IQCM: variants seen among roughly 807,000 people sequenced by gnomAD.
The protein encoded by IQCM is IQ motif containing M, also known as IQ domain-containing protein M.
A neutral mutation model predicts 57.6 loss-of-function variants in IQCM; 45 were observed. That is an observed-to-expected ratio of 0.78 (90% CI 0.62 to 1.00). The LOEUF is 1.00. Ranked by LOEUF, IQCM falls within the 50% of genes least tolerant of loss-of-function variation. The pLI is 0.00. For synonymous variants in IQCM, 148 were observed against 158.9 expected, an observed-to-expected ratio of 0.93 and a Z score of 0.51; for missense variants, 468 against 511.6, an observed-to-expected ratio of 0.91 and a Z score of 0.82.
intron 7 of IQCM, among the ~76,000 whole-genome samples, chr4:149,630,085 G>T (rs1757134471): frequency 6.6e-6 from 1 of 152,196 alleles, no homozygotes; most frequent in East Asian, 1.9e-4. Context: ...TGTCATAATA[G>T]CTTTAGAAAG....
At position 149,645,836 on chromosome 4, in the gene IQCM, C is replaced by T. The variant is rs531873540; in HGVS notation, c.566-24592G>A. The stretch of plus-strand genomic sequence containing the variant: ...AACTCCCTCTCCTCACCTATCCCCT[C>T]CCAGAGGTTTGTCTTCCATTACCCT... On this transcript the variant is annotated intron_variant, in intron 7 of 13. Coordinates refer to ENST00000636793, the MANE Select transcript of IQCM (RefSeq NM_001363507.2). Among the ~76,000 whole-genome samples, 83 of 152,232 alleles carry T rather than the reference C, an allele frequency of 5.5e-4. 1 individual carries two copies. The South Asian group carries it at 0.015, about 28-fold the overall frequency.
chr4:149,422,473 A>C (rs1194864073), intron 13 of IQCM, among the ~76,000 whole-genome samples: 2 of 152,064 alleles, frequency 1.3e-5, no homozygotes, highest in Non-Finnish European at 2.9e-5. Flanking sequence ...GGGCAAAACC[A>C]ACAACCTATT....
At chr4:149,792,626 T>G (rs1042206435) in intron 2 of IQCM, among the ~76,000 whole-genome samples, 1 of 152,194 alleles carries the variant, frequency 6.6e-6, no homozygotes, top group Non-Finnish European at 1.5e-5. Context: ...TAGAAAAATT[T>G]AACATGTAAG....
At chr4:149,397,553 C>G (rs1732316899) in intron 13 of IQCM, among the ~76,000 whole-genome samples, 1 of 151,938 alleles carries the variant, frequency 6.6e-6, no homozygotes, top group Non-Finnish European at 1.5e-5. Context: ...GCCTTGCTTC[C>G]CCTTTGCCTT....
Position 149,433,495 on chromosome 4 carries a change from G to A in IQCM, c.1291C>T (p.Leu431Phe). The change falls in exon 13 of 14, where the codon CTC becomes TTC. Residue 431 changes from leucine to phenylalanine, a missense_variant. Physicochemically the swap from Leu to Phe is conservative, Grantham distance 22. Coordinates refer to ENST00000636793, the MANE Select transcript of IQCM (RefSeq NM_001363507.2). Reference sequence around the variant, plus strand: ...ACATGTGCACCTTCAGGAGGATAGAGTGTAAATAACATTTCAATTGCTTTG... The same window carrying A: ...ACATGTGCACCTTCAGGAGGATAGAATGTAAATAACATTTCAATTGCTTTG... The part of the protein sequence containing the change: ...KSKAIEMLFT[L>F]YPPEGAHVPD... The A allele has an allele frequency of 8.3e-7, 1 of 1,210,042 alleles. No individual in the cohort carries two copies. The highest frequency in any genetic ancestry group is 1.0e-6 in the Non-Finnish European group (1 of 968,266). The allele number at this position is 1,210,042 out of a possible 1,614,324, so 75.0% of individuals were successfully genotyped here. A position where few individuals can be genotyped will look rare whatever the true frequency, so the allele number is the denominator to read the frequency against.
At chr4:149,642,190 C>T (rs1266624191) in intron 7 of IQCM, among the ~76,000 whole-genome samples, 1 of 152,050 alleles carries the variant, frequency 6.6e-6, no homozygotes, top group Non-Finnish European at 1.5e-5. Flanking sequence ...TCAAGCCAAA[C>T]CAACTTTGCT....
Position 149,488,566 on chromosome 4 carries a change from C to A in IQCM, c.1229-55009G>T, listed in dbSNP as rs577070760. Among the ~76,000 whole-genome samples, 10 of 152,176 alleles carry A rather than the reference C, an allele frequency of 6.6e-5. No individual in the cohort carries two copies. The East Asian group carries it at 1.9e-3, about 29-fold the overall frequency. On this transcript the variant is annotated intron_variant, in intron 12 of 13. Coordinates refer to ENST00000636793, the MANE Select transcript of IQCM (RefSeq NM_001363507.2). ...TAGATCGCTGTCATAACACACTTCA[C>A]GCTGCTGTTTTTGAGGTTGTATACA... is the stretch of plus-strand genomic sequence containing the variant.
chr4:149,362,431 C>G (rs984332469), intron 13 of IQCM, among the ~76,000 whole-genome samples: 2 of 152,074 alleles, frequency 1.3e-5, no homozygotes, highest in Non-Finnish European at 2.9e-5. Context: ...CCAGAATTCC[C>G]ATGTGTTGTG....
chr4:149,649,485 G>GGA (rs1758959967), intron 7 of IQCM, among the ~76,000 whole-genome samples: 1 of 151,712 alleles, frequency 6.6e-6, no homozygotes, highest in African/African-American at 2.4e-5. Flanking sequence ...TGATCTGTGG[G>GGA]GTTCCCCTAC....
chr4:149,623,099 T>C (rs1756489841), intron 7 of IQCM, among the ~76,000 whole-genome samples: 3 of 152,194 alleles, frequency 2.0e-5, no homozygotes, highest in Non-Finnish European at 4.4e-5. Context: ...ATCTGATCAC[T>C]ATACATTATA....
chr4:149,411,090 T>A (rs558628226), intron 13 of IQCM, among the ~76,000 whole-genome samples: 1 of 152,220 alleles, frequency 6.6e-6, no homozygotes, highest in African/African-American at 2.4e-5. Flanking sequence ...TCAAAAAAAC[T>A]GAAGTTCATC....
chr4:149,560,122 C>A (rs1560991891), intron 10 of IQCM, among the ~76,000 whole-genome samples: 1 of 152,166 alleles, frequency 6.6e-6, no homozygotes, highest in African/African-American at 2.4e-5. Flanking sequence ...ATGACCTGTC[C>A]TATAGGCTTC....
chr4:149,557,968 A>T (rs1354607981), intron 10 of IQCM, among the ~76,000 whole-genome samples: 1 of 152,308 alleles, frequency 6.6e-6, no homozygotes, highest in Admixed American at 6.5e-5. Flanking sequence ...CACTGCATGA[A>T]CTTACTGTTA....
intron 2 of IQCM, among the ~76,000 whole-genome samples, chr4:149,782,828 A>C (rs761798038): frequency 4.6e-5 from 7 of 152,150 alleles, no homozygotes; most frequent in Admixed American, 6.5e-5. Context: ...AATCATGTGA[A>C]ACATTTTTCT....
At chr4:149,803,589 G>C (rs1422112582) in intron 2 of IQCM, among the ~76,000 whole-genome samples, 2 of 152,016 alleles carry the variant, frequency 1.3e-5, no homozygotes, top group Non-Finnish European at 2.9e-5. Flanking sequence ...TCTTCAGAGT[G>C]TGCTTTTCGC....
intron 2 of IQCM, among the ~76,000 whole-genome samples, chr4:149,782,232 T>C (rs1771670168): frequency 6.6e-6 from 1 of 152,062 alleles, no homozygotes; most frequent in South Asian, 2.1e-4. Context: ...ACTACTACTA[T>C]TTATATACAC....
At chr4:149,367,171 G>A (rs1300956184) in intron 13 of IQCM, among the ~76,000 whole-genome samples, 1 of 151,894 alleles carries the variant, frequency 6.6e-6, no homozygotes. Context: ...TATGATTTCA[G>A]AAATGTTTAC....
At chr4:149,473,789 G>A (rs888598016) in intron 12 of IQCM, among the ~76,000 whole-genome samples, 7 of 152,192 alleles carry the variant, frequency 4.6e-5, no homozygotes, top group African/African-American at 1.7e-4. Context: ...GGAATACTAT[G>A]CAGCCATAAA....
chr4:149,364,049 T>C (rs1729671352), intron 13 of IQCM, among the ~76,000 whole-genome samples: 1 of 152,044 alleles, frequency 6.6e-6, no homozygotes, highest in Non-Finnish European at 1.5e-5. Flanking sequence ...GTAAAGAAGA[T>C]TATGTAATGG....
Sources: gnomAD v4.1 joint callset for allele counts (sites outside exome capture counted in the v4.1 genomes callset) on GRCh38, gnomAD v4.1.1 for gene constraint, MANE v1.5 for transcripts, NCBI Gene and HGNC (gene_info 2026-07-23, HGNC 2026-07-21) for gene names.